Variants in ESRP2 observed in about 807,000 individuals in gnomAD.
ESRP2 encodes the protein RNA binding motif protein 35A.
ESRP2 carries 48 observed loss-of-function variants against 78.6 expected under a neutral mutation model. The ratio of observed to expected loss-of-function variants is 0.61; its 90% CI spans 0.48 to 0.78. The LOEUF (loss-of-function observed/expected upper bound fraction) is 0.78. Ranked by LOEUF, ESRP2 falls within the 30% of genes least tolerant of loss-of-function variation. The pLI, the probability that ESRP2 is intolerant of heterozygous loss-of-function variation, is 0.00. For synonymous variants in ESRP2, 383 were observed against 406.7 expected, an observed-to-expected ratio of 0.94 and a Z score of 0.70; for missense variants, 863 against 965.9, an observed-to-expected ratio of 0.89 and a Z score of 1.41.
In ESRP2 at chr16:68,232,533, G is replaced by C; in HGVS notation, c.822-30C>G. 6.2e-7 allele frequency: 1 copy of C among 1,614,088 alleles called. No homozygotes were observed. The highest frequency in any genetic ancestry group is 1.7e-5 in the Admixed American group (1 of 60,026). ...GGAGCCAGTGCTGTTAGTGCCTCCTGGGTAGGCCTGTCCAATTGGGCCCAC... is the reference window on the plus strand; with the variant it reads ...GGAGCCAGTGCTGTTAGTGCCTCCTCGGTAGGCCTGTCCAATTGGGCCCAC... On this transcript the variant is annotated intron_variant, in intron 7 of 14. Coordinates refer to ENST00000473183, the MANE Select transcript of ESRP2 (RefSeq NM_024939.3). The surrounding 1 kb of genome is among the most constrained non-coding windows in gnomAD (Gnocchi z 5.2).
At chr16:68,233,912 C>G in intron 3 of ESRP2, 30 bp from the exon 4 acceptor site, 1 of 1,599,390 alleles carries the variant, frequency 6.3e-7, no homozygotes, top group African/African-American at 1.3e-5. Context: ...AGGATGAGCG[C>G]CCTGCCCACC....
intron 2 of ESRP2, chr16:68,234,338 T>C: frequency 3.6e-6 from 2 of 555,508 alleles, no homozygotes; most frequent in Non-Finnish European, 6.4e-6. Context: ...ATGAGGGCAA[T>C]CACATATAAC....
intron 4 of ESRP2, 43 bp downstream of exon 4, chr16:68,233,725 C>T (rs527884437): frequency 2.8e-6 from 4 of 1,430,926 alleles, no homozygotes; most frequent in Non-Finnish European, 3.9e-6. Flanking sequence ...ACACATGTAC[C>T]CACAGTGGCT....
intron 5 of ESRP2, 22 bp downstream of exon 5, chr16:68,233,305 C>T (rs1598653604): frequency 1.9e-6 from 3 of 1,557,730 alleles, no homozygotes; most frequent in Non-Finnish European, 1.8e-6. Context: ...GAACAGGTGA[C>T]AGGCAGTGAG....
In ESRP2 at chr16:68,233,902, A is replaced by G. The variant is rs1339203776; in HGVS notation, c.442-20T>C. ...CAGGTTCTGGGGGCACATAGGATTG[A>G]GGATGAGCGCCCTGCCCACCCTCAG... On this transcript the variant is annotated intron_variant, in intron 3 of 14. Transcript: ENST00000473183. The G allele has an allele frequency of 8.7e-6, 14 of 1,606,902 alleles. No individual in the cohort carries two copies. Among genetic ancestry groups the G allele is most frequent in the African/African-American group, 1.3e-5 (1 of 74,902 alleles).
In ESRP2 at chr16:68,230,306, C is replaced by G. The variant is rs62637560; in HGVS notation, c.2074G>C (p.Asp692His). The G allele has an allele frequency of 3.7e-4, 592 of 1,614,212 alleles. 1 individual carries two copies. In the African/African-American group the frequency reaches 6.4e-3, roughly 17 times the overall value. Residue 692 changes from aspartate (D) to histidine (H), a missense_variant, in exon 15 of 15, where the codon GAT (aspartate) becomes CAT (histidine). By Grantham distance (81) the Asp-to-His change is moderately conservative (BLOSUM62 -1). Transcript: ENST00000473183. ...ACAGGCATCAGACTGGTGTAGTCATCAGCGGGTAGCTACAGAAGGGACACA... is the reference window on the plus strand; with the variant it reads ...ACAGGCATCAGACTGGTGTAGTCATGAGCGGGTAGCTACAGAAGGGACACA... Reference protein sequence around the residue: ...SVFQAYQLPADDYTSLMPVGD... With the variant: ...SVFQAYQLPAHDYTSLMPVGD...
rs749273721 is a variant in ESRP2 at position 68,231,170 on chromosome 16, G to A, written c.1711+8C>T. ...GCCTCCTCCTCCCCTAGCCCCTAGG[G>A]CACTCACAGGGCAGCTTGCAGGGTG... On this transcript the variant is annotated splice_region_variant and intron_variant, in intron 12 of 14. Coordinates refer to ENST00000473183, the MANE Select transcript of ESRP2 (RefSeq NM_024939.3). This position sits in a 1 kb window ranked among gnomAD's most constrained non-coding sequence, Gnocchi z 6.0. 6.0e-5 allele frequency: 97 copies of A among 1,612,642 alleles called. No individual in the cohort carries two copies. The highest frequency in any genetic ancestry group is 8.0e-5 in the Non-Finnish European group (94 of 1,179,870).
At position 68,230,055 on chromosome 16, in the gene ESRP2, ACAGG is replaced by A. The variant is rs2042105144; in HGVS notation, c.*167_*170del. The A allele has an allele frequency of 3.1e-6, 2 of 641,628 alleles. No individual in the cohort carries two copies. Among genetic ancestry groups the A allele is most frequent in the Non-Finnish European group, 5.5e-6 (2 of 362,662 alleles). 39.7% of individuals were successfully genotyped at this position (641,628 alleles called of 1,614,324 possible). A position where few individuals can be genotyped will look rare whatever the true frequency, so the allele number is the denominator to read the frequency against. On this transcript the variant is annotated 3_prime_UTR_variant, in exon 15 of 15. Coordinates refer to ENST00000473183, the MANE Select transcript of ESRP2 (RefSeq NM_024939.3). The stretch of plus-strand genomic sequence containing the variant: ...GGTCCAGCCATTGTCTTTGGGGGAA[ACAGG>A]CAGAATAAGTGGAGGATGGAGCTGG...
In ESRP2 at chr16:68,232,705, A is replaced by G; in HGVS notation, c.711-18T>C. The G allele has an allele frequency of 1.9e-6, 3 of 1,614,212 alleles. No individual in the cohort carries two copies. Among genetic ancestry groups the G allele is most frequent in the Non-Finnish European group, 2.5e-6 (3 of 1,180,024 alleles). On this transcript the variant is annotated intron_variant, in intron 6 of 14. Transcript: ENST00000473183. The surrounding 1 kb of genome is among the most constrained non-coding windows in gnomAD (Gnocchi z 5.2). ...CCTTGCTGCTGTAGGGGCAGGGCAC[A>G]GTGCTGTCAGAGCTATTCAGCTGTT...
Position 68,230,480 on chromosome 16 carries a change from A to G in ESRP2, c.1973T>C (p.Val658Ala), listed in dbSNP as rs2042112801. The change falls in exon 14 of 15, where the codon GTG becomes GCG. Residue 658 changes from valine (V) to alanine (A), a missense_variant. Coordinates refer to ENST00000473183, the MANE Select transcript of ESRP2 (RefSeq NM_024939.3). ...GACCAAGGCTCCTGACTGGGACAACACTGAGGTGGGAGCAGAGGCCAGGGC... is the reference window on the plus strand; with the variant it reads ...GACCAAGGCTCCTGACTGGGACAACGCTGAGGTGGGAGCAGAGGCCAGGGC... ...TAALASAPTS[V>A]LSQSGALVRM... 1 of 1,611,960 alleles carries G rather than the reference A, an allele frequency of 6.2e-7. No homozygotes were observed. Among genetic ancestry groups the G allele is most frequent in the African/African-American group, 1.3e-5 (1 of 75,026 alleles).
rs1198654038 is a variant in ESRP2 at position 68,233,627 on chromosome 16, C to A, written c.556+141G>T. On this transcript the variant is annotated intron_variant, in intron 4 of 14. Coordinates refer to ENST00000473183, the MANE Select transcript of ESRP2 (RefSeq NM_024939.3). ...CATTCCAAACTCATCCTAGCACAGA[C>A]ACGAAGACACAGTACACTCAGGGAC... The A allele has an allele frequency of 8.0e-6, 6 of 745,930 alleles. No homozygotes were observed. In the East Asian group the frequency reaches 1.5e-4, roughly 19 times the overall value. 46.2% of individuals were successfully genotyped at this position (745,930 alleles called of 1,614,324 possible).
chr16:68,233,523 C>G, intron 4 of ESRP2, 98 bp from the exon 5 acceptor site: 1 of 947,650 alleles, frequency 1.1e-6, no homozygotes, highest in Admixed American at 1.7e-5. Flanking sequence ...TGCTGGAGAC[C>G]AGCATACACA....
In ESRP2 at chr16:68,230,203, C is replaced by T; in HGVS notation, c.*23G>A. 1 of 1,610,260 alleles carries T rather than the reference C, an allele frequency of 6.2e-7. No homozygotes were observed. The highest frequency in any genetic ancestry group is 1.7e-4 in the Middle Eastern group (1 of 6,058). Reference sequence around the variant, plus strand: ...CATGTTCGCCGAGGATATCAGCTGGCTCTTACCTCCTGGCTTTCTCTCCTA... The same window carrying T: ...CATGTTCGCCGAGGATATCAGCTGGTTCTTACCTCCTGGCTTTCTCTCCTA... On this transcript the variant is annotated 3_prime_UTR_variant, in exon 15 of 15. Coordinates refer to ENST00000473183, the MANE Select transcript of ESRP2 (RefSeq NM_024939.3).
chr16:68,229,750 C>T lies in ESRP2; in HGVS notation c.*476G>A, dbSNP rs1286142489. ...GTAGGGGCTGGCTCTCTCTGCCTCC[C>T]TATCCCCTACAAGAGGGACAGGGAG... On this transcript the variant is annotated 3_prime_UTR_variant, in exon 15 of 15. Coordinates refer to ENST00000473183, the MANE Select transcript of ESRP2 (RefSeq NM_024939.3). The T allele has an allele frequency of 6.2e-6, 1 of 162,594 alleles. No homozygotes were observed. Among genetic ancestry groups the T allele is most frequent in the Non-Finnish European group, 1.4e-5 (1 of 73,516 alleles). The allele number at this position is 162,594 out of a possible 1,614,324, so 10.1% of individuals were successfully genotyped here.
rs1567565925 is a variant in ESRP2, at chr16:68,233,834, C to A, written c.490G>T (p.Glu164Ter). Residue 164 changes from glutamate (E) to a stop codon, truncating the protein, a stop_gained, in exon 4 of 15, where the codon GAA becomes TAA. Coordinates refer to ENST00000473183, the MANE Select transcript of ESRP2 (RefSeq NM_024939.3). LOFTEE classifies it high-confidence loss of function. ...MFFSFYDLRR[E>*]FHMQHPSTCP... ...GTGCTTGGATGCTGCATATGGAATTCTCTTCGGAGGTCATAGAAGGAGAAG... is the reference window on the plus strand; with the variant it reads ...GTGCTTGGATGCTGCATATGGAATTATCTTCGGAGGTCATAGAAGGAGAAG... 6.2e-7 allele frequency: 1 copy of A among 1,614,166 alleles called. No homozygotes were observed. Among genetic ancestry groups the A allele is most frequent in the Non-Finnish European group, 8.5e-7 (1 of 1,180,024 alleles).
Position 68,235,014 on chromosome 16 carries a change from G to A in ESRP2, c.327+620C>T. On this transcript the variant is annotated intron_variant, in intron 2 of 14. Transcript: ENST00000473183. This position sits in a 1 kb window ranked among gnomAD's most constrained non-coding sequence, Gnocchi z 5.5. The stretch of plus-strand genomic sequence containing the variant: ...AGCGCCGTAGTGAAGATAAGGAAAA[G>A]AAAACAGCAATGGAAACCACCTCCC... 1 of 533,068 alleles carries A rather than the reference G, an allele frequency of 1.9e-6. No homozygotes were observed. Among genetic ancestry groups the A allele is most frequent in the South Asian group, 8.1e-5 (1 of 12,346 alleles). The allele number at this position is 533,068 out of a possible 1,614,324, so 33.0% of individuals were successfully genotyped here. A position where few individuals can be genotyped will look rare whatever the true frequency, so the allele number is the denominator to read the frequency against.
At position 68,232,634 on chromosome 16, in the gene ESRP2, G is replaced by A. The variant is rs776695697; in HGVS notation, c.764C>T (p.Pro255Leu). 3.0e-5 allele frequency: 48 copies of A among 1,613,986 alleles called. No individual in the cohort carries two copies. The highest frequency in any genetic ancestry group is 3.9e-5 in the Non-Finnish European group (46 of 1,180,026). The change falls in exon 7 of 15, where the codon CCG becomes CTG. Residue 255 changes from proline (P) to leucine (L), a missense_variant. By Grantham distance (98) the Pro-to-Leu change is moderately conservative (BLOSUM62 -3). Coordinates refer to ENST00000473183, the MANE Select transcript of ESRP2 (RefSeq NM_024939.3). This position sits in a 1 kb window ranked among gnomAD's most constrained non-coding sequence, Gnocchi z 5.2. The stretch of plus-strand genomic sequence containing the variant: ...CACGTCCTGGTCTGATGACTGCCAC[G>A]GCAACCCACGAGCCCGTACCACAGT... ...SETVVRARGL[P>L]WQSSDQDVAR... is the part of the protein sequence containing the mutation.
chr16:68,235,665 C>G lies in ESRP2; in HGVS notation c.296G>C (p.Arg99Pro), dbSNP rs1181996101. ...CAGCACCTTGTCCAGCGGCTCTGCC[C>G]GCGCCAGGCTGTCGGCGCTCAGGCC... is the stretch of plus-strand genomic sequence containing the variant. ...ASGLSADSLA[R>P]AEPLDKVLQQ... Residue 99 changes from arginine to proline, a missense_variant, in exon 2 of 15, where the codon CGG becomes CCG. By Grantham distance (103) the Arg-to-Pro change is moderately radical. Transcript: ENST00000473183. This position sits in a 1 kb window ranked among gnomAD's most constrained non-coding sequence, Gnocchi z 5.5. The G allele has an allele frequency of 6.3e-7, 1 of 1,597,950 alleles. No individual in the cohort carries two copies. Among genetic ancestry groups the G allele is most frequent in the Middle Eastern group, 1.7e-4 (1 of 6,052 alleles).
In ESRP2 at chr16:68,229,443, A is replaced by G. The variant is rs2042095464; in HGVS notation, c.*783T>C. 6.6e-6 allele frequency: 1 copy of G among 152,646 alleles called. No homozygotes were observed. Among genetic ancestry groups the G allele is most frequent in the Admixed American group, 6.5e-5 (1 of 15,286 alleles). 9.5% of individuals were successfully genotyped at this position (152,646 alleles called of 1,614,324 possible). ...AGTTCTGTACCATTTAATGCGTGCA[A>G]AGGACATTCCATGGTGTCTGCTGGG... is the stretch of plus-strand genomic sequence containing the variant. On this transcript the variant is annotated 3_prime_UTR_variant, in exon 15 of 15. Coordinates refer to ENST00000473183, the MANE Select transcript of ESRP2 (RefSeq NM_024939.3).
Sources: gnomAD v4.1 joint callset for allele counts on GRCh38, gnomAD v4.1.1 for gene constraint, Gnocchi (gnomAD v3.1) non-coding constraint, MANE v1.5 for transcripts, NCBI Gene and HGNC (gene_info 2026-07-23, HGNC 2026-07-21) for gene names.